TRIM14: variants seen among roughly 807,000 people sequenced by gnomAD.
The protein encoded by TRIM14 is tripartite motif containing 14.
TRIM14 carries 28 observed loss-of-function variants against 44.5 expected under a neutral mutation model. That is an observed-to-expected ratio of 0.63 (90% CI 0.47 to 0.86). The LOEUF (loss-of-function observed/expected upper bound fraction) is 0.86. TRIM14 is among the 40% of genes least tolerant of loss of function. The probability of loss-of-function intolerance (pLI) is 0.00; values close to 1 mark genes in which losing one functional copy is unlikely to be tolerated. For missense variants in TRIM14, 607 were observed against 611.1 expected, an observed-to-expected ratio of 0.99 and a Z score of 0.07; for synonymous variants, 299 against 269.2, an observed-to-expected ratio of 1.11 and a Z score of -1.08.
chr9:98,117,649 T>A (rs1827103536), intron 1 of TRIM14, among the ~76,000 whole-genome samples: 1 of 152,210 alleles, frequency 6.6e-6, no homozygotes, highest in Admixed American at 6.5e-5. Context: ...CTGCTTCTTC[T>A]TTTTTCCTTA....
rs531732641 is a variant in TRIM14, at chr9:98,086,814, G to A, written c.*656C>T. The A allele has an allele frequency of 8.5e-3, 1,301 of 153,340 alleles. 9 individuals are homozygous for A. The highest frequency in any genetic ancestry group is 0.013 in the Non-Finnish European group (932 of 69,322). The allele number at this position is 153,340 out of a possible 1,614,324, so 9.5% of individuals were successfully genotyped here. A position where few individuals can be genotyped will look rare whatever the true frequency, so the allele number is the denominator to read the frequency against. ...CCTTGAATGCTAAGGTGAGGCGCTT[G>A]TATTTTTTTTTGTTATTTCATGGAA... On this transcript the variant is annotated 3_prime_UTR_variant, in exon 6 of 6. Transcript: ENST00000341469.
At chr9:98,096,093 C>T (rs1054488166) in intron 3 of TRIM14, among the ~76,000 whole-genome samples, 2 of 152,278 alleles carry the variant, frequency 1.3e-5, no homozygotes, top group African/African-American at 4.8e-5. Context: ...GCTTGGCTGG[C>T]AGTGGCAGTG....
chr9:98,087,939 A>C lies in TRIM14; in HGVS notation c.860T>G (p.Leu287Arg). The change falls in exon 6 of 6, where the codon CTG (leucine) becomes CGG (arginine). Residue 287 changes from leucine (L) to arginine (R), a missense_variant. Transcript: ENST00000341469. ...GCCCAGCAGGCCGCAGCGCACCGTC[A>C]GGCGATCGGCGGACAGGCGCAGGCG... is the stretch of plus-strand genomic sequence containing the variant. ...HARLRLSADR[L>R]TVRCGLLGSL... 2 of 1,566,758 alleles carry C rather than the reference A, an allele frequency of 1.3e-6. No individual in the cohort carries two copies. The highest frequency in any genetic ancestry group is 1.7e-6 in the Non-Finnish European group (2 of 1,166,710).
At chr9:98,073,518 CGT>C (rs1829444706) in intron 6 of TRIM14, among the ~76,000 whole-genome samples, 1 of 150,766 alleles carries the variant, frequency 6.6e-6, no homozygotes, top group South Asian at 2.1e-4. Context: ...CTCCTGACCT[CGT>C]GATCTGCCCG....
the TRIM14 span, among the ~76,000 whole-genome samples, chr9:98,063,091 AT>A: frequency 1.0e-4 from 15 of 149,606 alleles, no homozygotes; most frequent in African/African-American, 3.0e-4. Context: ...GGCCTGGCTG[AT>A]TTTTTTTGTA....
In TRIM14 at chr9:98,086,281, G is replaced by C. The variant is rs904678041; in HGVS notation, c.*1189C>G. On this transcript the variant is annotated 3_prime_UTR_variant, in exon 6 of 6. Transcript: ENST00000341469. ...AGGGGACAGGTCAGATGCTTGCCTG[G>C]GGGTGGGTGAACGGGGCACACGTCT... is the stretch of plus-strand genomic sequence containing the variant. 1 of 152,262 alleles carries C rather than the reference G, an allele frequency of 6.6e-6. No individual in the cohort carries two copies. 9.4% of individuals were successfully genotyped at this position (152,262 alleles called of 1,614,324 possible).
intron 2 of TRIM14, among the ~76,000 whole-genome samples, chr9:98,108,566 G>C (rs1055459410): frequency 6.6e-6 from 1 of 152,076 alleles, no homozygotes; most frequent in Non-Finnish European, 1.5e-5. Flanking sequence ...CAGGGAGCCT[G>C]ATCTTCAGGC....
downstream of TRIM14, chr9:98,081,152 A>G: frequency 6.3e-7 from 1 of 1,583,420 alleles, no homozygotes; most frequent in East Asian, 2.2e-5. Context: ...CCTGAGAGGG[A>G]TGGTCAGGAC....
In TRIM14 at chr9:98,094,910, C is replaced by T; in HGVS notation, c.657G>A (p.Val219=). The change falls in exon 4 of 6, where the codon GTG becomes GTA. Residue 219 remains valine (V), a synonymous_variant. Coordinates refer to ENST00000341469, the MANE Select transcript of TRIM14 (RefSeq NM_014788.4). The part of the protein sequence containing the change: ...KSFFKGLVEA[V]ESTLQTPLDI... ...CCAATGGCGTCTGTAATGTACTCTC[C>T]ACGGCTTCCACGAGGCCCTTAAAGA... 6.2e-7 allele frequency: 1 copy of T among 1,614,192 alleles called. No individual in the cohort carries two copies. The highest frequency in any genetic ancestry group is 1.1e-5 in the South Asian group (1 of 91,086).
At chr9:98,046,688 C>T in the TRIM14 span, among the ~76,000 whole-genome samples, 142 of 152,202 alleles carry the variant, frequency 9.3e-4, 2 homozygotes, top group African/African-American at 3.3e-3. Flanking sequence ...ATCCACCCGC[C>T]TTGGCCTCTC....
intron 2 of TRIM14, among the ~76,000 whole-genome samples, chr9:98,103,533 T>C (rs939652309): frequency 2.0e-5 from 3 of 152,054 alleles, no homozygotes; most frequent in Non-Finnish European, 4.4e-5. Context: ...TCATGTATTA[T>C]TTATACAATT....
At chr9:98,057,097 C>A in the TRIM14 span, among the ~76,000 whole-genome samples, 1 of 152,264 alleles carries the variant, frequency 6.6e-6, no homozygotes. Flanking sequence ...GATCCCTCTT[C>A]CTCACCGTGT....
chr9:98,076,766 T>C, intron 6 of TRIM14: 1 of 625,002 alleles, frequency 1.6e-6, no homozygotes, highest in Non-Finnish European at 2.8e-6. Flanking sequence ...ATGAAATGAC[T>C]GAGAACAAAT....
intron 5 of TRIM14, among the ~76,000 whole-genome samples, chr9:98,091,389 C>A (rs1354045171): frequency 2.0e-5 from 3 of 151,960 alleles, no homozygotes; most frequent in Non-Finnish European, 4.4e-5. Flanking sequence ...CCCAAGAGGT[C>A]GAGGCTGCAG....
At chr9:98,088,253 A>G (rs1309486005) in intron 5 of TRIM14, among the ~76,000 whole-genome samples, 1 of 152,246 alleles carries the variant, frequency 6.6e-6, no homozygotes, top group Non-Finnish European at 1.5e-5. Context: ...TTTGTTGCCA[A>G]TTAATACAAA....
At chr9:98,109,169 G>A (rs1219574254) in intron 2 of TRIM14, among the ~76,000 whole-genome samples, 2 of 152,058 alleles carry the variant, frequency 1.3e-5, no homozygotes, top group African/African-American at 4.8e-5. Context: ...GGTTCTTCCA[G>A]CTCTCAGTGG....
At chr9:98,074,917 T>C (rs910865450) in intron 6 of TRIM14, 1 of 152,130 alleles carries the variant, frequency 6.6e-6, no homozygotes, top group African/African-American at 2.4e-5. Flanking sequence ...TTAGATTTTA[T>C]TGAAAAAATA....
chr9:98,047,233 G>A, the TRIM14 span, among the ~76,000 whole-genome samples: 32 of 152,094 alleles, frequency 2.1e-4, no homozygotes, highest in Non-Finnish European at 4.0e-4. Context: ...TCATTCTCTC[G>A]TCTGCTGCCA....
downstream of TRIM14, among the ~76,000 whole-genome samples, chr9:98,064,675 G>A (rs1829083441): frequency 1.3e-5 from 2 of 152,344 alleles, no homozygotes; most frequent in Admixed American, 1.3e-4. Context: ...AGAGGGGCCA[G>A]AAGTTTGTTC....
Sources: gnomAD v4.1 joint callset for allele counts (sites outside exome capture counted in the v4.1 genomes callset) on GRCh38, gnomAD v4.1.1 for gene constraint, MANE v1.5 for transcripts, NCBI Gene and HGNC (gene_info 2026-07-23, HGNC 2026-07-21) for gene names.